MCTP1: variants seen among roughly 807,000 people sequenced by gnomAD.
MCTP1 encodes multiple C2 and transmembrane domain-containing protein 1.
In MCTP1, 69 loss-of-function variants were observed where a neutral mutation model predicts 120.6. The ratio of observed to expected loss-of-function variants is 0.57; its 90% CI spans 0.47 to 0.70. The LOEUF (loss-of-function observed/expected upper bound fraction) is 0.70, where lower values mean the gene tolerates loss of function less well. Ranked by LOEUF, MCTP1 falls within the 30% of genes least tolerant of loss-of-function variation. The pLI is 0.00. For synonymous variants in MCTP1, 529 were observed against 493.1 expected, an observed-to-expected ratio of 1.07 and a Z score of -0.96; for missense variants, 1,203 against 1,248.8, an observed-to-expected ratio of 0.96 and a Z score of 0.55.
chr5:95,163,871 C>T (rs1399494019), intron 1 of MCTP1, among the ~76,000 whole-genome samples: 1 of 152,082 alleles, frequency 6.6e-6, no homozygotes, highest in Non-Finnish European at 1.5e-5. Context: ...ATCACATTTT[C>T]TTTTAAGTCT....
chr5:95,061,980 C>T (rs1439665567), intron 1 of MCTP1, among the ~76,000 whole-genome samples: 2 of 152,206 alleles, frequency 1.3e-5, no homozygotes, highest in African/African-American at 4.8e-5. Context: ...TACTTCTTCA[C>T]TGTACTAACC....
At chr5:94,853,518 T>C (rs1282045893) in intron 17 of MCTP1, among the ~76,000 whole-genome samples, 1 of 151,964 alleles carries the variant, frequency 6.6e-6, no homozygotes, top group Admixed American at 6.6e-5. Flanking sequence ...TGCTTTTGCT[T>C]ACTTTGTATT....
At chr5:95,137,023 A>C (rs1394136035) in intron 1 of MCTP1, among the ~76,000 whole-genome samples, 2 of 152,238 alleles carry the variant, frequency 1.3e-5, no homozygotes, top group African/African-American at 4.8e-5. Flanking sequence ...CAACAATGAA[A>C]AGAATTACTA....
chr5:95,051,477 G>GAAC (rs1398809755), intron 1 of MCTP1, among the ~76,000 whole-genome samples: 2 of 152,108 alleles, frequency 1.3e-5, no homozygotes, highest in Non-Finnish European at 2.9e-5. Context: ...CCTACCAGGG[G>GAAC]AACACTCTGC....
chr5:94,884,161 ACTTT>A (rs2153370730), intron 12 of MCTP1, among the ~76,000 whole-genome samples: 1 of 152,330 alleles, frequency 6.6e-6, no homozygotes, highest in African/African-American at 2.4e-5. Flanking sequence ...AAATAAATTT[ACTTT>A]TAATGAAGAC....
At chr5:94,779,890 A>C (rs1776207439) in intron 18 of MCTP1, among the ~76,000 whole-genome samples, 1 of 152,172 alleles carries the variant, frequency 6.6e-6, no homozygotes, top group Non-Finnish European at 1.5e-5. Context: ...CTACCTCAGC[A>C]GAATGGAACA....
At chr5:94,973,044 G>C (rs1409395210) in intron 2 of MCTP1, among the ~76,000 whole-genome samples, 1 of 152,134 alleles carries the variant, frequency 6.6e-6, no homozygotes, top group African/African-American at 2.4e-5. Flanking sequence ...CTCTAGCCCT[G>C]TGAGTTGGGT....
chr5:95,284,962 T>C lies in MCTP1; in HGVS notation c.-387A>G, dbSNP rs1206514653. Among the ~76,000 whole-genome samples, 1 of 151,610 alleles carries C rather than the reference T, an allele frequency of 6.6e-6. No homozygotes were observed. Among genetic ancestry groups the C allele is most frequent in the African/African-American group, 2.4e-5 (1 of 41,330 alleles). On this transcript the variant is annotated 5_prime_UTR_variant, in exon 1 of 23. Coordinates refer to ENST00000515393, the MANE Select transcript of MCTP1 (RefSeq NM_024717.7). The surrounding 1 kb of genome is among the most constrained non-coding windows in gnomAD (Gnocchi z 5.2). The stretch of plus-strand genomic sequence containing the variant: ...TTCTCTCTGACCGAGCTCGGGAAGC[T>C]GCACGCACCGGGGCGTGCGCGTCCA...
chr5:94,829,645 G>A (rs1788087881), intron 17 of MCTP1, among the ~76,000 whole-genome samples: 1 of 151,960 alleles, frequency 6.6e-6, no homozygotes, highest in African/African-American at 2.4e-5. Flanking sequence ...TGGGGGAAAG[G>A]AAAAATAAAA....
Position 95,190,647 on chromosome 5 carries a change from TA to T in MCTP1, c.720+93208del, listed in dbSNP as rs550696403. The stretch of plus-strand genomic sequence containing the variant: ...GCTACTTGCTTCCAAGTTTCCTTAC[TA>T]AAAAAAAAACGGGAATAAAAATAAT... On this transcript the variant is annotated intron_variant, in intron 1 of 22. Transcript: ENST00000515393. 7.1e-3 allele frequency among the ~76,000 whole-genome samples: 1,032 copies of T among 146,354 alleles called. 6 individuals are homozygous for T. The highest frequency in any genetic ancestry group is 0.011 in the Admixed American group (168 of 14,638).
chr5:94,993,524 GAT>G (rs1343405455), intron 2 of MCTP1, among the ~76,000 whole-genome samples: 1 of 152,122 alleles, frequency 6.6e-6, no homozygotes, highest in Non-Finnish European at 1.5e-5. Flanking sequence ...TTTCCCAAGA[GAT>G]GATTTGTTTA....
At chr5:94,983,668 AATCT>A (rs57481277) in intron 2 of MCTP1, among the ~76,000 whole-genome samples, 117,156 of 150,626 alleles carry the variant, frequency 0.78, 45,657 homozygotes, top group Admixed American at 0.83. Flanking sequence ...TCTGTCTGTC[AATCT>A]ATCTATCTAT....
rs1270413029 is a variant in MCTP1, at chr5:94,705,008, G to A, written c.*2488C>T. The A allele has an allele frequency of 1.3e-5, 2 of 151,248 alleles. No homozygotes were observed. The highest frequency in any genetic ancestry group is 3.0e-5 in the Non-Finnish European group (2 of 67,568). 9.4% of individuals were successfully genotyped at this position (151,248 alleles called of 1,614,324 possible). Reference sequence around the variant, plus strand: ...ATTATCACAACGAATGTCAGTAATAGTTTATGAATATAAATAATGACTCAG... The same window carrying A: ...ATTATCACAACGAATGTCAGTAATAATTTATGAATATAAATAATGACTCAG... On this transcript the variant is annotated 3_prime_UTR_variant, in exon 23 of 23. Transcript: ENST00000515393.
chr5:95,269,398 C>A (rs1284932145), intron 1 of MCTP1, among the ~76,000 whole-genome samples: 4 of 152,200 alleles, frequency 2.6e-5, no homozygotes, highest in Non-Finnish European at 4.4e-5. Context: ...AGGAGTTTAA[C>A]AACATGATTT....
chr5:94,714,164 C>T (rs1410187616), intron 20 of MCTP1, among the ~76,000 whole-genome samples: 1 of 151,944 alleles, frequency 6.6e-6, no homozygotes, highest in Non-Finnish European at 1.5e-5. Flanking sequence ...TGCATTAGAG[C>T]TCAGTGAAGC....
chr5:95,019,787 C>A (rs1346424217), intron 1 of MCTP1, among the ~76,000 whole-genome samples: 1 of 151,920 alleles, frequency 6.6e-6, no homozygotes, highest in African/African-American at 2.4e-5. Flanking sequence ...GGTGAGGAGT[C>A]TTGAAACCAG....
chr5:95,266,778 C>T (rs938601617), intron 1 of MCTP1, among the ~76,000 whole-genome samples: 14 of 152,168 alleles, frequency 9.2e-5, no homozygotes, highest in Non-Finnish European at 1.5e-5. Flanking sequence ...TGGCAAACCT[C>T]AGTCGGGCAG....
chr5:94,953,395 T>A (rs1282406332), intron 2 of MCTP1, 34 bp from the exon 3 acceptor site: 40 of 1,507,226 alleles, frequency 2.7e-5, no homozygotes, highest in Non-Finnish European at 3.4e-5. Flanking sequence ...ATGTTAATCA[T>A]GACTTGGTTT....
intron 2 of MCTP1, among the ~76,000 whole-genome samples, chr5:94,975,363 T>C (rs1319570602): frequency 2.6e-5 from 4 of 151,976 alleles, no homozygotes; most frequent in Admixed American, 6.6e-5. Context: ...ATGGGATTAG[T>C]GCCCTTATAA....
Sources: gnomAD v4.1 joint callset for allele counts (sites outside exome capture counted in the v4.1 genomes callset) on GRCh38, gnomAD v4.1.1 for gene constraint, Gnocchi (gnomAD v3.1) non-coding constraint, MANE v1.5 for transcripts, NCBI Gene and HGNC (gene_info 2026-07-23, HGNC 2026-07-21) for gene names.